REEP3: variants seen among roughly 807,000 people sequenced by gnomAD.
REEP3 encodes receptor expression-enhancing protein 3.
A neutral mutation model predicts 41.3 loss-of-function variants in REEP3; 20 were observed. The observed-to-expected ratio is 0.48, with a 90% confidence interval of 0.34 to 0.70. The LOEUF is 0.70. REEP3 is among the 30% of genes least tolerant of loss of function. The pLI is 0.01. For missense variants in REEP3, 271 were observed against 308.8 expected (o/e 0.88, Z 0.92); for synonymous variants, 104 against 101.8 (o/e 1.02, Z -0.13).
At chr10:63,594,930 T>C in intron 3 of REEP3, 76 bp downstream of exon 3, 3 of 909,118 alleles carry the variant, frequency 3.3e-6, no homozygotes, top group East Asian at 2.4e-5. Flanking sequence ...CTGCTCTTGC[T>C]ATTAACTGAG....
At chr10:63,609,178 C>CTT (rs1217416576) in intron 5 of REEP3, among the ~76,000 whole-genome samples, 25 of 151,404 alleles carry the variant, frequency 1.7e-4, no homozygotes, top group Middle Eastern at 3.6e-3. Context: ...CTTGGCCGGG[C>CTT]ACGGTGGCTC....
chr10:63,586,187 TGA>T (rs2133394150), intron 2 of REEP3, among the ~76,000 whole-genome samples: 1 of 152,298 alleles, frequency 6.6e-6, no homozygotes, highest in Non-Finnish European at 1.5e-5. Flanking sequence ...CTAATTCCTT[TGA>T]GAGAGTGAAG....
At position 63,589,075 on chromosome 10, in the gene REEP3, G is replaced by A. The variant is rs536909561; in HGVS notation, c.106-5703G>A. 1.2e-4 allele frequency among the ~76,000 whole-genome samples: 18 copies of A among 152,288 alleles called. 1 individual carries two copies. The highest frequency in any genetic ancestry group is 1.1e-3 in the Admixed American group (17 of 15,286). On this transcript the variant is annotated intron_variant, in intron 2 of 7. Transcript: ENST00000373758. ...CACAGGGCTTTCCAGGCTATAGTAA[G>A]CAATGATTGGGAACCATGGGAGGGG...
At chr10:63,589,035 G>A (rs1233019623) in intron 2 of REEP3, among the ~76,000 whole-genome samples, 1 of 152,148 alleles carries the variant, frequency 6.6e-6, no homozygotes, top group African/African-American at 2.4e-5. Context: ...AGAGATTGCT[G>A]GAGCCACGTA....
At chr10:63,562,295 C>T (rs1955748390) in intron 1 of REEP3, among the ~76,000 whole-genome samples, 2 of 149,300 alleles carry the variant, frequency 1.3e-5, no homozygotes, top group Admixed American at 6.7e-5. Flanking sequence ...CTTACTCTGT[C>T]GCCCAGGCTG....
chr10:63,561,849 AG>A (rs1331021491), intron 1 of REEP3, among the ~76,000 whole-genome samples: 19 of 152,238 alleles, frequency 1.2e-4, no homozygotes, highest in Admixed American at 1.2e-3. Flanking sequence ...CATCAGTGAA[AG>A]AAGTGAAGAA....
chr10:63,599,986 T>C (rs1027944785), intron 5 of REEP3, among the ~76,000 whole-genome samples: 1 of 152,210 alleles, frequency 6.6e-6, no homozygotes, highest in African/African-American at 2.4e-5. Flanking sequence ...GGGGGTAATA[T>C]ACCTGTGAGA....
rs181465975 is a variant in REEP3 at position 63,616,598 on chromosome 10, T to A, written c.566-3057T>A. 2.0e-5 allele frequency among the ~76,000 whole-genome samples: 3 copies of A among 152,320 alleles called. No individual in the cohort carries two copies. The East Asian group carries it at 5.8e-4, about 29-fold the overall frequency. ...ATAAGATGTATAATCAGCTTTTGAA[T>A]GAAATTCCAATTCCTAATCATACAA... On this transcript the variant is annotated intron_variant, in intron 6 of 7. Coordinates refer to ENST00000373758, the MANE Select transcript of REEP3 (RefSeq NM_001001330.3).
intron 1 of REEP3, among the ~76,000 whole-genome samples, chr10:63,563,582 G>C (rs537758018): frequency 6.6e-6 from 1 of 152,270 alleles, no homozygotes; most frequent in East Asian, 1.9e-4. Context: ...AGCGACTACA[G>C]GGCAGGTAAT....
chr10:63,522,356 C>G (rs1177489964), intron 1 of REEP3, among the ~76,000 whole-genome samples: 1 of 152,114 alleles, frequency 6.6e-6, no homozygotes, highest in East Asian at 1.9e-4. Context: ...CTCCTACCAA[C>G]AAGTGCTACA....
intron 7 of REEP3, 90 bp from the exon 8 acceptor site, chr10:63,620,723 A>G (rs572190228): frequency 1.2e-6 from 1 of 808,282 alleles, no homozygotes; most frequent in Non-Finnish European, 1.9e-6. Context: ...AAAAAGGTAA[A>G]AAAATTACTA....
chr10:63,618,769 A>G (rs1334228507), intron 6 of REEP3, among the ~76,000 whole-genome samples: 1 of 152,234 alleles, frequency 6.6e-6, no homozygotes, highest in African/African-American at 2.4e-5. Context: ...TGGGGTTGTC[A>G]GAACTTGTAT....
intron 2 of REEP3, among the ~76,000 whole-genome samples, chr10:63,578,895 GTTA>G (rs1472668849): frequency 2.0e-5 from 3 of 151,848 alleles, no homozygotes; most frequent in Non-Finnish European, 2.9e-5. Flanking sequence ...CTTAAATTAG[GTTA>G]TTATTTCTTT....
Position 63,621,136 on chromosome 10 carries a change from C to A in REEP3, c.*267C>A. On this transcript the variant is annotated 3_prime_UTR_variant, in exon 8 of 8. Coordinates refer to ENST00000373758, the MANE Select transcript of REEP3 (RefSeq NM_001001330.3). Reference sequence around the variant, plus strand: ...TGTCCGTTTTCAAATTCATCAACAGCCTAGAGTGCCTGAGATATAAGATGA... The same window carrying A: ...TGTCCGTTTTCAAATTCATCAACAGACTAGAGTGCCTGAGATATAAGATGA... 3.5e-6 allele frequency: 1 copy of A among 283,606 alleles called. No homozygotes were observed. The highest frequency in any genetic ancestry group is 5.8e-5 in the South Asian group (1 of 17,388). 17.6% of individuals were successfully genotyped at this position (283,606 alleles called of 1,614,324 possible). A position where few individuals can be genotyped will look rare whatever the true frequency, so the allele number is the denominator to read the frequency against.
intron 5 of REEP3, among the ~76,000 whole-genome samples, chr10:63,609,445 C>CT (rs1480655813): frequency 8.2e-6 from 1 of 121,240 alleles, no homozygotes; most frequent in African/African-American, 3.2e-5. Flanking sequence ...AAGCGAGACT[C>CT]TGTCTCAAAA....
chr10:63,602,826 A>G (rs906586312), intron 5 of REEP3, among the ~76,000 whole-genome samples: 1 of 152,054 alleles, frequency 6.6e-6, no homozygotes, highest in Non-Finnish European at 1.5e-5. Context: ...CATTCTACAT[A>G]TTATTTATTC....
chr10:63,614,790 T>C (rs892062613), intron 6 of REEP3, among the ~76,000 whole-genome samples: 5 of 152,240 alleles, frequency 3.3e-5, no homozygotes, highest in Admixed American at 6.5e-5. Context: ...TTAGGCACTT[T>C]TTATGAGTTT....
chr10:63,612,179 A>T (rs116236734), intron 6 of REEP3, among the ~76,000 whole-genome samples: 4,257 of 151,308 alleles, frequency 0.028, 193 homozygotes, highest in African/African-American at 0.098. Context: ...TTTTGTTGTT[A>T]ATTTATTTAT....
At chr10:63,600,901 C>G (rs1186814707) in intron 5 of REEP3, among the ~76,000 whole-genome samples, 2 of 151,900 alleles carry the variant, frequency 1.3e-5, no homozygotes, top group African/African-American at 4.8e-5. Context: ...CACATGTAAT[C>G]CCAGCACTTT....
Sources: gnomAD v4.1 joint callset for allele counts (sites outside exome capture counted in the v4.1 genomes callset) on GRCh38, gnomAD v4.1.1 for gene constraint, MANE v1.5 for transcripts, NCBI Gene and HGNC (gene_info 2026-07-23, HGNC 2026-07-21) for gene names.